Variants in SYT6 observed in about 807,000 individuals in gnomAD.
The protein encoded by SYT6 is synaptotagmin 6, also known as synaptotagmin-6.
Under a neutral mutation model 38.4 loss-of-function variants are expected in SYT6, and 24 were observed. The ratio of observed to expected loss-of-function variants is 0.62; its 90% confidence interval spans 0.45 to 0.88. The LOEUF (loss-of-function observed/expected upper bound fraction) is 0.88, where lower values mean the gene tolerates loss of function less well. Ranked by LOEUF, SYT6 falls within the 40% of genes least tolerant of loss-of-function variation. The probability of loss-of-function intolerance (pLI) is 0.00; values close to 1 mark genes in which losing one functional copy is unlikely to be tolerated. For missense variants in SYT6, 611 were observed against 621.0 expected (o/e 0.98, Z 0.17); for synonymous variants, 265 against 241.9 (o/e 1.10, Z -0.89).
Position 114,091,734 on chromosome 1 carries a change from C to G in SYT6, c.*400G>C. On this transcript the variant is annotated 3_prime_UTR_variant, in exon 8 of 8. Transcript: ENST00000610222. Reference sequence around the variant, plus strand: ...AACTTCTGGGCTTTCCACCCTTTGTCTTTTCCTACTCTTTTTTTTTTTCCC... The same window carrying G: ...AACTTCTGGGCTTTCCACCCTTTGTGTTTTCCTACTCTTTTTTTTTTTCCC... The G allele has an allele frequency of 3.5e-6, 1 of 289,060 alleles. No individual in the cohort carries two copies. Among genetic ancestry groups the G allele is most frequent in the Non-Finnish European group, 5.9e-6 (1 of 169,132 alleles). The allele number at this position is 289,060 out of a possible 1,614,324, so 17.9% of individuals were successfully genotyped here. A position where few individuals can be genotyped will look rare whatever the true frequency, so the allele number is the denominator to read the frequency against.
chr1:114,113,778 C>G (rs533208011), intron 3 of SYT6, among the ~76,000 whole-genome samples: 4 of 152,314 alleles, frequency 2.6e-5, no homozygotes, highest in Admixed American at 2.6e-4. Flanking sequence ...TTCCCTTGCT[C>G]TCCCGCCCCA....
chr1:114,092,817 C>T (rs1355167498), intron 7 of SYT6, among the ~76,000 whole-genome samples: 2 of 152,182 alleles, frequency 1.3e-5, no homozygotes, highest in African/African-American at 4.8e-5. Flanking sequence ...AACCAGTCAT[C>T]GCTGCAGCAG....
chr1:114,101,775 T>G (rs539244511), intron 4 of SYT6, among the ~76,000 whole-genome samples: 16 of 152,352 alleles, frequency 1.1e-4, no homozygotes, highest in African/African-American at 3.6e-4. Context: ...TGCTTCACCC[T>G]TGGGCCAGGT....
intron 3 of SYT6, among the ~76,000 whole-genome samples, chr1:114,135,992 T>C (rs531508183): frequency 1.7e-4 from 26 of 152,260 alleles, no homozygotes; most frequent in African/African-American, 5.5e-4. Context: ...GCTGTTCCAA[T>C]CCGCCCTGTC....
chr1:114,112,032 C>T (rs1407578991), intron 3 of SYT6, among the ~76,000 whole-genome samples: 1 of 152,166 alleles, frequency 6.6e-6, no homozygotes, highest in Non-Finnish European at 1.5e-5. Context: ...CTCGGGGCTT[C>T]CTGCTGGGTG....
At chr1:114,109,624 T>G (rs1256745212) in intron 3 of SYT6, among the ~76,000 whole-genome samples, 1 of 152,176 alleles carries the variant, frequency 6.6e-6, no homozygotes, top group African/African-American at 2.4e-5. Flanking sequence ...ACAGAGTAGG[T>G]GCTTAGTAAG....
rs146413069 is a variant in SYT6 at position 114,139,626 on chromosome 1, C to T, written c.501G>A (p.Ala167=). Residue 167 remains alanine, a synonymous_variant, in exon 2 of 8, where the codon GCG becomes GCA. Coordinates refer to ENST00000610222, the MANE Select transcript of SYT6 (RefSeq NM_001253772.2). ...TRLQRQTTEP[A]SSTRHTSFKR... ...GGTCCACTCCTCACCTGGTGGATGACGCTGGCTCTGTAGTTTGCCGCTGCA... is the reference window on the plus strand; with the variant it reads ...GGTCCACTCCTCACCTGGTGGATGATGCTGGCTCTGTAGTTTGCCGCTGCA... The T allele has an allele frequency of 3.4e-5, 55 of 1,614,074 alleles. No individual in the cohort carries two copies. The East Asian group carries it at 8.9e-4, about 26-fold the overall frequency.
chr1:114,089,294 G>C lies in SYT6; in HGVS notation c.*2840C>G, dbSNP rs554322413. On this transcript the variant is annotated 3_prime_UTR_variant, in exon 8 of 8. Coordinates refer to ENST00000610222, the MANE Select transcript of SYT6 (RefSeq NM_001253772.2). ...GGAACATAAAATGACAAGAGAAATG[G>C]GCAAGAGACAGAGATTTAATTGAAT... 1 of 152,680 alleles carries C rather than the reference G, an allele frequency of 6.5e-6. No individual in the cohort carries two copies. Among genetic ancestry groups the C allele is most frequent in the Non-Finnish European group, 1.5e-5 (1 of 68,038 alleles). 9.5% of individuals were successfully genotyped at this position (152,680 alleles called of 1,614,324 possible).
intron 4 of SYT6, among the ~76,000 whole-genome samples, chr1:114,100,374 A>G (rs754484744): frequency 6.6e-6 from 1 of 152,230 alleles, no homozygotes; most frequent in East Asian, 1.9e-4. Context: ...TCATAGGCAT[A>G]TGGTTCTATC....
intron 3 of SYT6, among the ~76,000 whole-genome samples, chr1:114,104,430 GT>G (rs1330660191): frequency 1.3e-5 from 2 of 152,188 alleles, no homozygotes; most frequent in African/African-American, 2.4e-5. Context: ...ATTCCTGGGA[GT>G]TTCTGAGAGA....
chr1:114,092,518 G>T (rs1675384951), intron 7 of SYT6, among the ~76,000 whole-genome samples: 1 of 152,204 alleles, frequency 6.6e-6, no homozygotes, highest in African/African-American at 2.4e-5. Flanking sequence ...CAATTTGTCT[G>T]GGAGCTGACA....
At chr1:114,132,648 A>G (rs1241428025) in intron 3 of SYT6, among the ~76,000 whole-genome samples, 1 of 152,194 alleles carries the variant, frequency 6.6e-6, no homozygotes, top group Non-Finnish European at 1.5e-5. Flanking sequence ...ATGAATAATA[A>G]TGTCCAACAA....
At chr1:114,125,934 G>C (rs755643688) in intron 3 of SYT6, among the ~76,000 whole-genome samples, 1 of 152,108 alleles carries the variant, frequency 6.6e-6, no homozygotes, top group Non-Finnish European at 1.5e-5. Context: ...TCTTTGCTCT[G>C]TGCCCTTTGA....
At chr1:114,131,273 T>G (rs1392956888) in intron 3 of SYT6, among the ~76,000 whole-genome samples, 1 of 152,044 alleles carries the variant, frequency 6.6e-6, no homozygotes, top group Non-Finnish European at 1.5e-5. Flanking sequence ...AGAAACCCAA[T>G]CTTATGTGAG....
At position 114,091,934 on chromosome 1, in the gene SYT6, C is replaced by T. The variant is rs1557724326; in HGVS notation, c.*200G>A. On this transcript the variant is annotated 3_prime_UTR_variant, in exon 8 of 8. Transcript: ENST00000610222. Reference sequence around the variant, plus strand: ...GCCGCTGCTGCCGCCACTGCGACTGCACAACACTGTTTAGACGGTTGAACA... The same window carrying T: ...GCCGCTGCTGCCGCCACTGCGACTGTACAACACTGTTTAGACGGTTGAACA... The T allele has an allele frequency of 6.8e-7, 1 of 1,470,718 alleles. No homozygotes were observed. Among genetic ancestry groups the T allele is most frequent in the Non-Finnish European group, 9.2e-7 (1 of 1,088,912 alleles). The allele number at this position is 1,470,718 out of a possible 1,614,324, so 91.1% of individuals were successfully genotyped here.
chr1:114,140,679 A>T (rs1372643338), intron 1 of SYT6, among the ~76,000 whole-genome samples: 1 of 152,212 alleles, frequency 6.6e-6, no homozygotes, highest in Non-Finnish European at 1.5e-5. Flanking sequence ...TCAAAGCTAA[A>T]TAGAGGCACA....
chr1:114,108,671 G>A (rs78296988), intron 3 of SYT6, among the ~76,000 whole-genome samples: 23,033 of 152,204 alleles, frequency 0.15, 2,146 homozygotes, highest in Non-Finnish European at 0.22. Flanking sequence ...TAGCAATTTC[G>A]TTTTGAAATC....
chr1:114,119,731 C>T (rs1161148429), intron 3 of SYT6, among the ~76,000 whole-genome samples: 1 of 152,174 alleles, frequency 6.6e-6, no homozygotes, highest in Non-Finnish European at 1.5e-5. Context: ...TCTGACTGAG[C>T]AGGGTTTGAC....
intron 3 of SYT6, among the ~76,000 whole-genome samples, chr1:114,121,801 G>A (rs1164044990): frequency 1.3e-5 from 2 of 152,158 alleles, no homozygotes; most frequent in African/African-American, 2.4e-5. Context: ...CACGTCTTTG[G>A]AAATTTACTT....
Sources: gnomAD v4.1 joint callset for allele counts (sites outside exome capture counted in the v4.1 genomes callset) on GRCh38, gnomAD v4.1.1 for gene constraint, MANE v1.5 for transcripts, NCBI Gene and HGNC (gene_info 2026-07-23, HGNC 2026-07-21) for gene names.